PLCH2: variants seen among roughly 807,000 people sequenced by gnomAD.
PLCH2 encodes 1-phosphatidylinositol 4,5-bisphosphate phosphodiesterase eta-2.
PLCH2 carries 98 observed loss-of-function variants against 134.7 expected under a neutral mutation model. The observed-to-expected ratio is 0.73, with a 90% confidence interval of 0.62 to 0.86. PLCH2 has a LOEUF of 0.86. PLCH2 is among the 40% of genes least tolerant of loss of function. PLCH2 has a pLI of 0.00. For synonymous variants in PLCH2, 974 were observed against 827.5 expected, an observed-to-expected ratio of 1.18 and a Z score of -3.04; for missense variants, 1,994 against 1,986.6, an observed-to-expected ratio of 1.00 and a Z score of -0.07.
chr1:2,504,892 G>A lies in PLCH2; in HGVS notation c.3930G>A (p.Gln1310=). 1.3e-6 allele frequency: 2 copies of A among 1,586,654 alleles called. No individual in the cohort carries two copies. Among genetic ancestry groups the A allele is most frequent in the African/African-American group, 1.3e-5 (1 of 74,608 alleles). The change falls in exon 22 of 22, where the codon CAG becomes CAA. Residue 1310 remains glutamine, a synonymous_variant. Coordinates refer to ENST00000378486, the MANE Select transcript of PLCH2 (RefSeq NM_014638.4). The part of the protein sequence containing the change: ...TEQLRWLTVF[Q]QAGDITSPTS... ...AGCTGCGCTGGCTCACTGTCTTCCA[G>A]CAGGCAGGAGACATCACGTCACCCA...
intron 2 of PLCH2, among the ~76,000 whole-genome samples, chr1:2,433,344 T>C (rs917369987): frequency 6.6e-6 from 1 of 152,146 alleles, no homozygotes; most frequent in Non-Finnish European, 1.5e-5. Context: ...GGCATCTCCA[T>C]GTGGATGAGG....
intron 1 of PLCH2, among the ~76,000 whole-genome samples, chr1:2,468,541 A>G (rs1293595756): frequency 8.5e-6 from 1 of 117,122 alleles, no homozygotes; most frequent in Non-Finnish European, 1.6e-5. Flanking sequence ...CAGCTCCCCA[A>G]ACACAGCGCT....
At chr1:2,464,893 C>T (rs1402809144), upstream of PLCH2, among the ~76,000 whole-genome samples, 1 of 152,218 alleles carries the variant, frequency 6.6e-6, no homozygotes, top group Non-Finnish European at 1.5e-5. Flanking sequence ...TCAGTCAACT[C>T]ACACAGACTG....
At chr1:2,457,050 G>C (rs1419751070) in intron 2 of PLCH2, among the ~76,000 whole-genome samples, 2 of 152,172 alleles carry the variant, frequency 1.3e-5, no homozygotes, top group Non-Finnish European at 2.9e-5. Flanking sequence ...AGAACCCCCC[G>C]GGGCTCCAGT....
At chr1:2,419,728 G>A in the PLCH2 span, among the ~76,000 whole-genome samples, 1 of 152,136 alleles carries the variant, frequency 6.6e-6, no homozygotes, top group East Asian at 1.9e-4. Flanking sequence ...GCTGGCTCTG[G>A]TGGAGGTGGT....
chr1:2,469,739 G>A (rs1363887195), intron 1 of PLCH2, among the ~76,000 whole-genome samples: 4 of 152,240 alleles, frequency 2.6e-5, no homozygotes, highest in African/African-American at 9.6e-5. Context: ...GGCTCCCACC[G>A]GCTGGACGGA....
intron 8 of PLCH2, among the ~76,000 whole-genome samples, chr1:2,488,656 A>G (rs969255592): frequency 2.6e-5 from 4 of 152,258 alleles, no homozygotes; most frequent in Non-Finnish European, 5.9e-5. Context: ...TGAAAAGCTT[A>G]TAATTAAAAG....
chr1:2,439,566 T>C lies in PLCH2; in HGVS notation c.115+8937T>C, dbSNP rs1639593741. Reference sequence around the variant, plus strand: ...TTGCACGTTTACCCGATTAAGCCCATTGATTGAGTTGCGTGCACGTGCTCT... The same window carrying C: ...TTGCACGTTTACCCGATTAAGCCCACTGATTGAGTTGCGTGCACGTGCTCT... On this transcript the variant is annotated intron_variant, in intron 2 of 3. Coordinates refer to the PLCH2 transcript ENST00000609981. This position sits in a 1 kb window ranked among gnomAD's most constrained non-coding sequence, Gnocchi z 4.7. Among the ~76,000 whole-genome samples the C allele has an allele frequency of 1.3e-5, 2 of 152,238 alleles. No individual in the cohort carries two copies. The highest frequency in any genetic ancestry group is 2.9e-5 in the Non-Finnish European group (2 of 68,036).
In PLCH2 at chr1:2,497,301, C is replaced by T. The variant is rs139481477; in HGVS notation, c.2117-201C>T. Among the ~76,000 whole-genome samples the T allele has an allele frequency of 2.1e-3, 327 of 152,350 alleles. 6 individuals are homozygous for T. Among genetic ancestry groups the T allele is most frequent in the Admixed American group, 6.5e-4 (10 of 15,308 alleles). The stretch of plus-strand genomic sequence containing the variant: ...CCTGCGAGGCTGGCTGCGCCAGCTC[C>T]GGGGATGTCCCTCCAGGATGTGCTG... On this transcript the variant is annotated intron_variant, in intron 15 of 21. Coordinates refer to ENST00000378486, the MANE Select transcript of PLCH2 (RefSeq NM_014638.4).
intron 2 of PLCH2, among the ~76,000 whole-genome samples, chr1:2,450,642 C>A (rs1640161951): frequency 1.3e-5 from 1 of 77,910 alleles, no homozygotes; most frequent in Non-Finnish European, 2.6e-5. Context: ...CCCCCCTGCC[C>A]CCCGCTCCCT....
rs1159395877 is a variant in PLCH2 at position 2,505,417 on chromosome 1, G to A, written c.*204G>A. 8.8e-6 allele frequency: 5 copies of A among 567,936 alleles called. 1 individual carries two copies. Among genetic ancestry groups the A allele is most frequent in the South Asian group, 6.5e-5 (3 of 46,304 alleles). The allele number at this position is 567,936 out of a possible 1,614,324, so 35.2% of individuals were successfully genotyped here. On this transcript the variant is annotated 3_prime_UTR_variant, in exon 22 of 22. Coordinates refer to ENST00000378486, the MANE Select transcript of PLCH2 (RefSeq NM_014638.4). ...GCCCGGGGCCCACAGGAGGGGCTTCGAGGCTGGCCCTGCCAGGCAGTTTTC... is the reference window on the plus strand; with the variant it reads ...GCCCGGGGCCCACAGGAGGGGCTTCAAGGCTGGCCCTGCCAGGCAGTTTTC...
At chr1:2,435,976 C>G (rs935814146) in intron 2 of PLCH2, among the ~76,000 whole-genome samples, 1 of 139,870 alleles carries the variant, frequency 7.1e-6, no homozygotes, top group African/African-American at 2.7e-5. Flanking sequence ...CCCTTCTTCC[C>G]TCCTCCCTTC....
intron 13 of PLCH2, 139 bp from the exon 14 acceptor site, chr1:2,496,468 G>A: frequency 2.7e-6 from 2 of 730,290 alleles, no homozygotes; most frequent in East Asian, 2.7e-5. Context: ...CCGCGGCCCA[G>A]TCTGGCGTCC....
rs1472765316 is a variant in PLCH2, at chr1:2,497,547, G to T, written c.2162G>T (p.Arg721Leu). ...QSEGRMLQLN[R>L]AKFSANGGCG... ...GAGGGGCGGATGCTGCAGCTGAACC[G>T]AGCCAAGTTCAGCGCCAACGGTGGC... The change falls in exon 16 of 22, where the codon CGA (arginine) becomes CTA (leucine). Residue 721 changes from arginine (R) to leucine (L), a missense_variant. Coordinates refer to ENST00000378486, the MANE Select transcript of PLCH2 (RefSeq NM_014638.4). The T allele has an allele frequency of 1.3e-6, 2 of 1,563,228 alleles. No individual in the cohort carries two copies. Among genetic ancestry groups the T allele is most frequent in the Non-Finnish European group, 1.7e-6 (2 of 1,154,290 alleles).
chr1:2,497,655 G>GCTCA, intron 16 of PLCH2, 46 bp downstream of exon 16: 1 of 1,280,160 alleles, frequency 7.8e-7, no homozygotes, highest in Non-Finnish European at 1.1e-6. Context: ...GGGCTCGGAT[G>GCTCA]GGCCTCCTGG....
At position 2,503,946 on chromosome 1, in the gene PLCH2, G is replaced by A. The variant is rs1332504501; in HGVS notation, c.2984G>A (p.Arg995Gln). The A allele has an allele frequency of 1.3e-5, 14 of 1,085,590 alleles. No individual in the cohort carries two copies. The highest frequency in any genetic ancestry group is 2.2e-4 in the Middle Eastern group (1 of 4,462). 67.2% of individuals were successfully genotyped at this position (1,085,590 alleles called of 1,614,324 possible). A position where few individuals can be genotyped will look rare whatever the true frequency, so the allele number is the denominator to read the frequency against. The change falls in exon 22 of 22, where the codon CGG becomes CAG. Residue 995 changes from arginine to glutamine, a missense_variant. Physicochemically the swap from Arg to Gln is conservative, Grantham distance 43. This residue lies in a region of PLCH2 where 900 missense variants were observed against 752.3 expected (regional missense o/e 1.20). Coordinates refer to ENST00000378486, the MANE Select transcript of PLCH2 (RefSeq NM_014638.4). ...GACACCCGCCCCCTCTCCACGCAGC[G>A]GCCACTCCCCCCACTGTGCAGCCTG... ...PRDTRPLSTQ[R>Q]PLPPLCSLET...
In PLCH2 at chr1:2,504,189, C is replaced by T. The variant is rs539325166; in HGVS notation, c.3227C>T (p.Thr1076Met). The T allele has an allele frequency of 4.6e-5, 71 of 1,545,020 alleles. No homozygotes were observed. The highest frequency in any genetic ancestry group is 2.6e-4 in the South Asian group (22 of 84,284). ...GAYERAPGSQ[T>M]DGRSQPRTLG... ...TACGAGAGGGCCCCCGGCAGCCAGA[C>T]GGACGGCAGGAGCCAGCCCCGGACC... Residue 1076 changes from threonine (T) to methionine (M), a missense_variant, in exon 22 of 22, where the codon ACG (threonine) becomes ATG (methionine). Thr to Met is a moderately conservative substitution (Grantham distance 81). Transcript: ENST00000378486.
chr1:2,421,488 A>G (rs951526973), upstream of PLCH2, among the ~76,000 whole-genome samples: 3 of 152,218 alleles, frequency 2.0e-5, no homozygotes, highest in Non-Finnish European at 4.4e-5. Context: ...TTGCTTCCTA[A>G]TTATTTCTAG....
upstream of PLCH2, among the ~76,000 whole-genome samples, chr1:2,425,793 G>T (rs1638764582): frequency 6.6e-6 from 1 of 152,020 alleles, no homozygotes; most frequent in African/African-American, 2.4e-5. Flanking sequence ...AAAGTTCTGG[G>T]ATGACAGGAG....
Sources: gnomAD v4.1 joint callset for allele counts (sites outside exome capture counted in the v4.1 genomes callset) on GRCh38, gnomAD v4.1.1 for gene constraint, gnomAD v4.1.1 regional missense constraint, Gnocchi (gnomAD v3.1) non-coding constraint, MANE v1.5 for transcripts, NCBI Gene and HGNC (gene_info 2026-07-23, HGNC 2026-07-21) for gene names.